Variants in ENTPD4 observed in about 807,000 individuals in gnomAD.
The protein encoded by ENTPD4 is Golgi UDPase.
A neutral mutation model predicts 79.1 loss-of-function variants in ENTPD4; 60 were observed. The ratio of observed to expected loss-of-function variants is 0.76; its 90% CI spans 0.62 to 0.94. The LOEUF (loss-of-function observed/expected upper bound fraction) is 0.94, where lower values mean the gene tolerates loss of function less well. ENTPD4 is among the 40% of genes least tolerant of loss of function. The probability of loss-of-function intolerance (pLI) is 0.00; values close to 1 mark genes in which losing one functional copy is unlikely to be tolerated. For missense variants in ENTPD4, 772 were observed against 775.1 expected (o/e 1.00, Z 0.05); for synonymous variants, 276 against 292.0 (o/e 0.95, Z 0.56).
intron 1 of ENTPD4, among the ~76,000 whole-genome samples, chr8:23,451,019 TTTC>T (rs1800850850): frequency 1.6e-5 from 2 of 122,508 alleles, no homozygotes; most frequent in African/African-American, 3.6e-5. Context: ...CTTTTTTTCT[TTTC>T]TTTTTTTTTT....
intron 10 of ENTPD4, among the ~76,000 whole-genome samples, chr8:23,436,071 AG>A (rs2117278124): frequency 6.6e-6 from 1 of 152,334 alleles, no homozygotes; most frequent in African/African-American, 2.4e-5. Flanking sequence ...GGTGTGTGAC[AG>A]GGAGCACAAG....
At position 23,432,568 on chromosome 8, in the gene ENTPD4, G is replaced by A. The variant is rs111851628; in HGVS notation, c.*358C>T. 1.6e-3 allele frequency: 1,260 copies of A among 766,258 alleles called. 13 individuals are homozygous for A. In the African/African-American group the frequency reaches 0.021, roughly 13 times the overall value. 47.5% of individuals were successfully genotyped at this position (766,258 alleles called of 1,614,324 possible). On this transcript the variant is annotated 3_prime_UTR_variant, in exon 13 of 13. Coordinates refer to ENST00000358689, the MANE Select transcript of ENTPD4 (RefSeq NM_004901.5). Reference sequence around the variant, plus strand: ...GGCTGGAGTGCAGTGGTGTGATCTCGGCTCACTGCAAGCTCTGCCTCCCAG... The same window carrying A: ...GGCTGGAGTGCAGTGGTGTGATCTCAGCTCACTGCAAGCTCTGCCTCCCAG...
chr8:23,437,831 A>C (rs1800599113), intron 9 of ENTPD4, among the ~76,000 whole-genome samples: 2 of 152,198 alleles, frequency 1.3e-5, no homozygotes, highest in Admixed American at 1.3e-4. Context: ...CTGGTATCTC[A>C]ATGAGGGGTG....
rs1800718191 is a variant in ENTPD4, at chr8:23,443,961, G to A, written c.564-8C>T. Reference sequence around the variant, plus strand: ...AGAATAGCTTTCTGCTGGCTGTAAAGTAATAAAAACATTTACAAATCAAAA... The same window carrying A: ...AGAATAGCTTTCTGCTGGCTGTAAAATAATAAAAACATTTACAAATCAAAA... On this transcript the variant is annotated splice_region_variant and splice_polypyrimidine_tract_variant and intron_variant, in intron 5 of 12. Transcript: ENST00000358689. 1.3e-6 allele frequency: 2 copies of A among 1,568,062 alleles called. No homozygotes were observed. Among genetic ancestry groups the A allele is most frequent in the African/African-American group, 1.4e-5 (1 of 73,760 alleles).
rs1031819088 is a variant in ENTPD4 at position 23,430,005 on chromosome 8, C to T, written c.*2921G>A. ...GTTTCTACCAAGATTGAACACAATG[C>T]TTTTCTTTGATAAAGCTTTGGGCAA... On this transcript the variant is annotated 3_prime_UTR_variant, in exon 13 of 13. Transcript: ENST00000358689. The T allele has an allele frequency of 8.1e-6, 8 of 985,334 alleles. No homozygotes were observed. The highest frequency in any genetic ancestry group is 8.4e-6 in the Non-Finnish European group (7 of 829,942). The allele number at this position is 985,334 out of a possible 1,614,324, so 61.0% of individuals were successfully genotyped here.
intron 12 of ENTPD4, 66 bp from the exon 13 acceptor site, chr8:23,433,220 AG>A: frequency 7.0e-7 from 1 of 1,420,870 alleles, no homozygotes. Context: ...AAGGGTGCAC[AG>A]GGGGACGGCG....
intron 1 of ENTPD4, among the ~76,000 whole-genome samples, chr8:23,454,066 G>A (rs546755003): frequency 6.6e-5 from 10 of 152,194 alleles, no homozygotes; most frequent in Non-Finnish European, 1.2e-4. Flanking sequence ...TGGGCAATGA[G>A]ATCAGGTATC....
In ENTPD4 at chr8:23,431,627, G is replaced by C. The variant is rs765152904; in HGVS notation, c.*1299C>G. On this transcript the variant is annotated 3_prime_UTR_variant, in exon 13 of 13. Coordinates refer to ENST00000358689, the MANE Select transcript of ENTPD4 (RefSeq NM_004901.5). The stretch of plus-strand genomic sequence containing the variant: ...GCCTCAGTCAATGCGGTTAGGAAGA[G>C]GACTCGGCAGGCTGTGCATGGGGTC... 1.0e-6 allele frequency: 1 copy of C among 985,420 alleles called. No individual in the cohort carries two copies. 61.0% of individuals were successfully genotyped at this position (985,420 alleles called of 1,614,324 possible).
intron 7 of ENTPD4, 126 bp downstream of exon 7, chr8:23,441,881 G>T: frequency 8.9e-7 from 1 of 1,120,906 alleles, no homozygotes; most frequent in Non-Finnish European, 1.3e-6. Context: ...TTCAACTGCA[G>T]CTGCTCTCAT....
chr8:23,435,755 T>A (rs1261898813), intron 10 of ENTPD4, among the ~76,000 whole-genome samples: 1 of 152,194 alleles, frequency 6.6e-6, no homozygotes, highest in Non-Finnish European at 1.5e-5. Flanking sequence ...AGTTTCTCCC[T>A]CCATGACTGC....
At chr8:23,453,076 A>C (rs2117309171) in intron 1 of ENTPD4, among the ~76,000 whole-genome samples, 1 of 152,362 alleles carries the variant, frequency 6.6e-6, no homozygotes, top group South Asian at 2.1e-4. Flanking sequence ...ATATAGGCCC[A>C]GACCTTAAAG....
At position 23,449,909 on chromosome 8, in the gene ENTPD4, G is replaced by A. The variant is rs1264141612; in HGVS notation, c.-9C>T. The A allele has an allele frequency of 5.6e-6, 9 of 1,613,702 alleles. No individual in the cohort carries two copies. In the Admixed American group the frequency reaches 1.5e-4, roughly 27 times the overall value. ...ATCACTTACCTCCCCATACTGAAAG[G>A]TCAGCAACAAGGCAATGCTCTGGGA... On this transcript the variant is annotated 5_prime_UTR_variant, in exon 2 of 13. Transcript: ENST00000358689.
chr8:23,441,053 C>T (rs770864038), intron 8 of ENTPD4, among the ~76,000 whole-genome samples: 24 of 152,282 alleles, frequency 1.6e-4, no homozygotes, highest in Non-Finnish European at 2.5e-4. Flanking sequence ...GAAACCGTGC[C>T]GGGGTTCTCT....
At position 23,437,174 on chromosome 8, in the gene ENTPD4, C is replaced by T. The variant is rs1364581798; in HGVS notation, c.1134G>A (p.Gln378=). 3 of 1,614,070 alleles carry T rather than the reference C, an allele frequency of 1.9e-6. No homozygotes were observed. The East Asian group carries it at 6.7e-5, about 36-fold the overall frequency. ...CLPLDIKDEI[Q]QNGQTIYLRG... is the part of the protein sequence containing the mutation. ...GTAGGTATATGGTTTGTCCATTTTGCTGGATTTCATCTTTAATGTCTAGGG... is the reference window on the plus strand; with the variant it reads ...GTAGGTATATGGTTTGTCCATTTTGTTGGATTTCATCTTTAATGTCTAGGG... The change falls in exon 10 of 13, where the codon CAG becomes CAA. Residue 378 remains glutamine (Q), a synonymous_variant. Transcript: ENST00000358689.
intron 2 of ENTPD4, among the ~76,000 whole-genome samples, chr8:23,449,308 T>A (rs891945804): frequency 2.0e-5 from 3 of 152,194 alleles, no homozygotes; most frequent in Admixed American, 1.3e-4. Context: ...GTAAGGATGA[T>A]GAGACCAAAC....
At chr8:23,457,220 A>G (rs1400113190) in intron 1 of ENTPD4, among the ~76,000 whole-genome samples, 3 of 152,198 alleles carry the variant, frequency 2.0e-5, no homozygotes, top group African/African-American at 7.2e-5. Flanking sequence ...TCCCGGGTGC[A>G]GCATCCCTGC....
chr8:23,444,612 G>GA lies in ENTPD4; in HGVS notation c.413-7dup. 1.2e-6 allele frequency: 2 copies of GA among 1,613,198 alleles called. No homozygotes were observed. The highest frequency in any genetic ancestry group is 1.7e-6 in the Non-Finnish European group (2 of 1,179,152). On this transcript the variant is annotated splice_region_variant and splice_polypyrimidine_tract_variant and intron_variant, in intron 4 of 12. Coordinates refer to ENST00000358689, the MANE Select transcript of ENTPD4 (RefSeq NM_004901.5). ...GGTAGCAAATTCTGAAATGCCTAGA[G>GA]AAACAGGATACTTTAGTTAAGAAGC...
At position 23,432,179 on chromosome 8, in the gene ENTPD4, T is replaced by A. The variant is rs1183453594; in HGVS notation, c.*747A>T. On this transcript the variant is annotated 3_prime_UTR_variant, in exon 13 of 13. Transcript: ENST00000358689. The stretch of plus-strand genomic sequence containing the variant: ...CCTGAACAATAAATAAAAAAAAAAA[T>A]CACCCTCTTCAGGTTAGAGCTTTCA... 1 of 975,416 alleles carries A rather than the reference T, an allele frequency of 1.0e-6. No homozygotes were observed. The highest frequency in any genetic ancestry group is 1.8e-5 in the African/African-American group (1 of 56,496). 60.4% of individuals were successfully genotyped at this position (975,416 alleles called of 1,614,324 possible). A position where few individuals can be genotyped will look rare whatever the true frequency, so the allele number is the denominator to read the frequency against.
chr8:23,445,895 A>G (rs1800755786), intron 4 of ENTPD4, among the ~76,000 whole-genome samples: 1 of 152,214 alleles, frequency 6.6e-6, no homozygotes, highest in African/African-American at 2.4e-5. Flanking sequence ...CAATATTAAA[A>G]ATGAGGGGCG....
Sources: gnomAD v4.1 joint callset for allele counts (sites outside exome capture counted in the v4.1 genomes callset) on GRCh38, gnomAD v4.1.1 for gene constraint, MANE v1.5 for transcripts, NCBI Gene and HGNC (gene_info 2026-07-23, HGNC 2026-07-21) for gene names.